BANP: variants seen among roughly 807,000 people sequenced by gnomAD.
BANP encodes protein BANP.
In BANP, 11 loss-of-function variants were observed where a neutral mutation model predicts 68.1. The observed-to-expected ratio is 0.16, with a 90% CI of 0.10 to 0.27. The LOEUF is 0.27. Ranked by LOEUF, BANP falls within the 10% of genes least tolerant of loss-of-function variation. BANP has a pLI of 1.00. For synonymous variants in BANP, 329 were observed against 303.2 expected (o/e 1.09, Z -0.88); for missense variants, 504 against 722.7 (o/e 0.70, Z 3.47).
chr16:87,952,498 A>G (rs555301621), intron 1 of BANP: 8 of 152,366 alleles, frequency 5.3e-5, no homozygotes, highest in African/African-American at 1.9e-4. Flanking sequence ...GCACTACAGT[A>G]AATAATTGAT....
Position 88,018,480 on chromosome 16 carries a change from G to A in BANP, c.708G>A (p.Arg236=). The A allele has an allele frequency of 6.2e-7, 1 of 1,613,400 alleles. No homozygotes were observed. The highest frequency in any genetic ancestry group is 8.5e-7 in the Non-Finnish European group (1 of 1,179,978). Residue 236 remains arginine (R), a synonymous_variant, in exon 7 of 14, where the codon CGG becomes CGA. Coordinates refer to ENST00000682872, the MANE Select transcript of BANP (RefSeq NM_001386991.1). The surrounding 1 kb of genome is among the most constrained non-coding windows in gnomAD (Gnocchi z 7.7). The part of the protein sequence containing the change: ...WLGDENNPEM[R]VRCAIIPSDM... ...GCGACGAGAACAACCCCGAGATGCG[G>A]GTACGCTGCGCCATCATCCCCTCCG... is the stretch of plus-strand genomic sequence containing the variant.
intron 7 of BANP, among the ~76,000 whole-genome samples, chr16:88,022,659 C>T (rs2076245372): frequency 6.6e-6 from 1 of 152,196 alleles, no homozygotes; most frequent in African/African-American, 2.4e-5. Flanking sequence ...GCTTAGAACA[C>T]AGGCTTGTGT....
chr16:88,076,784 G>A lies in BANP; in HGVS notation c.*123G>A, dbSNP rs1157917271. The A allele has an allele frequency of 7.8e-6, 6 of 768,146 alleles. No homozygotes were observed. The highest frequency in any genetic ancestry group is 1.2e-5 in the Non-Finnish European group (6 of 493,402). The allele number at this position is 768,146 out of a possible 1,614,324, so 47.6% of individuals were successfully genotyped here. A position where few individuals can be genotyped will look rare whatever the true frequency, so the allele number is the denominator to read the frequency against. ...CGTGTTCTGCTGAAGTGCGTCTGAA[G>A]GCCGCTGCCTCCGCGGGGAACAGCA... On this transcript the variant is annotated 3_prime_UTR_variant, in exon 14 of 14. Transcript: ENST00000682872.
At chr16:88,008,710 T>C (rs1303205604) in intron 6 of BANP, among the ~76,000 whole-genome samples, 1 of 152,238 alleles carries the variant, frequency 6.6e-6, no homozygotes, top group African/African-American at 2.4e-5. Flanking sequence ...TAAGACATTT[T>C]TCTTTAGCTA....
intron 1 of BANP, chr16:87,970,039 C>A (rs1308553747): frequency 6.6e-6 from 1 of 151,792 alleles, no homozygotes; most frequent in Non-Finnish European, 1.5e-5. Context: ...TCCTTAGTAG[C>A]TGGGATTACA....
chr16:88,052,549 C>G (rs888397761), intron 11 of BANP, among the ~76,000 whole-genome samples: 4 of 151,952 alleles, frequency 2.6e-5, no homozygotes, highest in African/African-American at 9.7e-5. Flanking sequence ...CAGAGCTCCA[C>G]CATCATCATC....
intron 11 of BANP, among the ~76,000 whole-genome samples, chr16:88,054,887 T>C (rs1330125719): frequency 6.6e-6 from 1 of 152,206 alleles, no homozygotes; most frequent in Admixed American, 6.5e-5. Flanking sequence ...TTGAATCTAA[T>C]GTGCAGTATG....
intron 1 of BANP, chr16:87,966,753 A>AC (rs2060088431): frequency 6.6e-6 from 1 of 152,160 alleles, no homozygotes; most frequent in South Asian, 2.1e-4. Flanking sequence ...GACTCTCTGG[A>AC]CCCGGGGCTG....
At chr16:87,950,826 C>G (rs781472553), upstream of BANP, 2 of 152,288 alleles carry the variant, frequency 1.3e-5, no homozygotes, top group East Asian at 1.9e-4. Flanking sequence ...CGCGTGCACT[C>G]AGGCCCCTCT....
At chr16:87,994,473 T>C (rs1438016664) in intron 4 of BANP, among the ~76,000 whole-genome samples, 2 of 152,176 alleles carry the variant, frequency 1.3e-5, no homozygotes, top group Non-Finnish European at 2.9e-5. Context: ...AGCAACGAGG[T>C]TTTAAAGTTT....
chr16:88,010,803 C>T (rs985840731), intron 6 of BANP, among the ~76,000 whole-genome samples: 1 of 151,832 alleles, frequency 6.6e-6, no homozygotes, highest in Non-Finnish European at 1.5e-5. Flanking sequence ...CCTCGCAGTC[C>T]ATGGAATGCC....
intron 11 of BANP, among the ~76,000 whole-genome samples, chr16:88,053,554 A>ACCACCT (rs1429204653): frequency 7.0e-6 from 1 of 142,962 alleles, no homozygotes; most frequent in Non-Finnish European, 1.5e-5. Flanking sequence ...CACTACCACC[A>ACCACCT]CCACCTCCAC....
chr16:88,006,643 CAAAAAAAA>C, intron 6 of BANP, among the ~76,000 whole-genome samples: 1 of 100,288 alleles, frequency 1.0e-5, no homozygotes. Context: ...AACTCCATCT[CAAAAAAAA>C]AAAAAAAGTG....
intron 11 of BANP, among the ~76,000 whole-genome samples, chr16:88,050,108 A>AT (rs1331870295): frequency 6.6e-5 from 10 of 152,342 alleles, no homozygotes; most frequent in African/African-American, 2.4e-4. Context: ...GTCAGTGAAG[A>AT]TTAACAGGGA....
chr16:87,951,483 G>T lies in BANP; in HGVS notation c.-101G>T. On this transcript the variant is annotated 5_prime_UTR_variant, in exon 1 of 14. Coordinates refer to ENST00000682872, the MANE Select transcript of BANP (RefSeq NM_001386991.1). ...ACGGACGCCATTATCGCATCTCCCC[G>T]ACAAACACCACGAGAATTCCGCAGC... The T allele has an allele frequency of 6.6e-6, 1 of 152,458 alleles. No homozygotes were observed. The highest frequency in any genetic ancestry group is 2.0e-4 in the South Asian group (1 of 5,046). 9.4% of individuals were successfully genotyped at this position (152,458 alleles called of 1,614,324 possible). A position where few individuals can be genotyped will look rare whatever the true frequency, so the allele number is the denominator to read the frequency against.
chr16:88,064,246 C>T lies in BANP; in HGVS notation c.1312-1021C>T, dbSNP rs545803392. On this transcript the variant is annotated intron_variant, in intron 11 of 13. Coordinates refer to ENST00000682872, the MANE Select transcript of BANP (RefSeq NM_001386991.1). The surrounding 1 kb of genome is among the most constrained non-coding windows in gnomAD (Gnocchi z 4.5). ...GACAGCGAGGCGGTGGATGTTGAGG[C>T]AGTTGTGCGTCCACGGCGGGGCCTG... Among the ~76,000 whole-genome samples, 1 of 152,084 alleles carries T rather than the reference C, an allele frequency of 6.6e-6. No homozygotes were observed. Among genetic ancestry groups the T allele is most frequent in the African/African-American group, 2.4e-5 (1 of 41,402 alleles).
At chr16:87,954,844 G>A (rs1268089294) in intron 1 of BANP, among the ~76,000 whole-genome samples, 1 of 152,244 alleles carries the variant, frequency 6.6e-6, no homozygotes, top group Non-Finnish European at 1.5e-5. Flanking sequence ...CGTACGGCCA[G>A]TCACTCCCCT....
rs181528276 is a variant in BANP at position 88,023,309 on chromosome 16, T to A, written c.896-4174T>A. On this transcript the variant is annotated intron_variant, in intron 7 of 13. Transcript: ENST00000682872. Reference sequence around the variant, plus strand: ...CTCTGGCTAACAGACTGAGGACAGGTGTCTCTCCATCATTTTTTCTCATAA... The same window carrying A: ...CTCTGGCTAACAGACTGAGGACAGGAGTCTCTCCATCATTTTTTCTCATAA... Among the ~76,000 whole-genome samples, 909 of 152,152 alleles carry A rather than the reference T, an allele frequency of 6.0e-3. 11 individuals carry two copies. Among genetic ancestry groups the A allele is most frequent in the African/African-American group, 0.021 (852 of 41,510 alleles).
At chr16:88,021,984 G>A (rs530190732) in intron 7 of BANP, among the ~76,000 whole-genome samples, 1 of 152,294 alleles carries the variant, frequency 6.6e-6, no homozygotes, top group East Asian at 1.9e-4. Context: ...GAGGAAATGA[G>A]GTTATTGAAA....
Sources: allele counts gnomAD v4.1 joint callset (sites outside exome capture counted in the v4.1 genomes callset), GRCh38; gene constraint gnomAD v4.1.1; non-coding constraint Gnocchi (gnomAD v3.1); transcripts MANE v1.5; gene names NCBI Gene and HGNC (gene_info 2026-07-23, HGNC 2026-07-21).